Variants in MICU3 observed in about 807,000 individuals in gnomAD.
MICU3 encodes mitochondrial calcium uptake 3.
A neutral mutation model predicts 66.5 loss-of-function variants in MICU3; 62 were observed. The observed-to-expected ratio is 0.93, with a 90% confidence interval of 0.76 to 1.15. MICU3 has a LOEUF of 1.15. Ranked by LOEUF, MICU3 falls within the 50% of genes most tolerant of loss-of-function variation. MICU3 has a pLI of 0.00. For synonymous variants in MICU3, 308 were observed against 240.7 expected (o/e 1.28, Z -2.59); for missense variants, 779 against 664.4 (o/e 1.17, Z -1.90).
At chr8:17,117,820 A>C (rs974318288) in intron 13 of MICU3, among the ~76,000 whole-genome samples, 1 of 152,102 alleles carries the variant, frequency 6.6e-6, no homozygotes, top group African/African-American at 2.4e-5. Context: ...ATGTTGGCCA[A>C]GATGGTCTCA....
chr8:17,047,633 A>T (rs947821085), intron 1 of MICU3, among the ~76,000 whole-genome samples: 2 of 152,260 alleles, frequency 1.3e-5, no homozygotes, highest in Non-Finnish European at 2.9e-5. Context: ...AGACGAATCC[A>T]TCGCAACAGA....
Position 17,122,105 on chromosome 8 carries a change from AG to A in MICU3, c.*1820del, listed in dbSNP as rs1803237092. On this transcript the variant is annotated 3_prime_UTR_variant, in exon 15 of 15. Transcript: ENST00000318063. ...CCTTTATAATTCTGTCATTTTCCCA[AG>A]GAAGAATAGCATTGTACATATGCAA... 1 of 151,860 alleles carries A rather than the reference AG, an allele frequency of 6.6e-6. No homozygotes were observed. Among genetic ancestry groups the A allele is most frequent in the Admixed American group, 6.6e-5 (1 of 15,248 alleles). The allele number at this position is 151,860 out of a possible 1,614,324, so 9.4% of individuals were successfully genotyped here.
chr8:17,053,173 G>A (rs545089099), intron 1 of MICU3, among the ~76,000 whole-genome samples: 51 of 151,990 alleles, frequency 3.4e-4, no homozygotes, highest in African/African-American at 1.2e-3. Flanking sequence ...TCTGTTTCAC[G>A]GTTGCTAAAA....
the MICU3 span, among the ~76,000 whole-genome samples, chr8:17,128,638 A>G: frequency 5.9e-5 from 9 of 152,328 alleles, no homozygotes; most frequent in East Asian, 1.4e-3. Flanking sequence ...ACATTGCACA[A>G]CAAATAATTC....
chr8:17,085,569 T>G (rs919947114), intron 6 of MICU3, among the ~76,000 whole-genome samples: 1 of 152,120 alleles, frequency 6.6e-6, no homozygotes, highest in Non-Finnish European at 1.5e-5. Context: ...ATGTATCAGG[T>G]GTTTTCTGTT....
intron 1 of MICU3, among the ~76,000 whole-genome samples, chr8:17,028,415 T>C (rs957263069): frequency 1.3e-5 from 2 of 152,178 alleles, no homozygotes; most frequent in Non-Finnish European, 2.9e-5. Flanking sequence ...AAGGTAAAGA[T>C]GTGTGAAAGG....
chr8:17,027,498 C>A lies in MICU3; in HGVS notation c.219C>A (p.Ala73=). The A allele has an allele frequency of 7.8e-7, 1 of 1,281,490 alleles. No individual in the cohort carries two copies. Among genetic ancestry groups the A allele is most frequent in the Non-Finnish European group, 9.8e-7 (1 of 1,018,790 alleles). The allele number at this position is 1,281,490 out of a possible 1,614,324, so 79.4% of individuals were successfully genotyped here. Residue 73 remains alanine (A), a synonymous_variant, in exon 1 of 15, where the codon GCC becomes GCA. Coordinates refer to ENST00000318063, the MANE Select transcript of MICU3 (RefSeq NM_181723.3). ...GGGAGCTGAGCGTGGCGGCGGCGGC[C>A]GGCGGGGGGCTGGTCGGCCTGGTAT... ...RWGELSVAAA[A]GGGLVGLVCY...
intron 1 of MICU3, chr8:17,049,757 G>T (rs1815742055): frequency 8.7e-6 from 4 of 462,408 alleles, no homozygotes; most frequent in African/African-American, 2.1e-5. Context: ...CCTGTTGAAG[G>T]CCCCTATAGA....
At chr8:17,029,548 T>TA (rs1167083761) in intron 1 of MICU3, among the ~76,000 whole-genome samples, 1 of 152,238 alleles carries the variant, frequency 6.6e-6, no homozygotes, top group Non-Finnish European at 1.5e-5. Context: ...TTAGTGTTTA[T>TA]AAAAATTTCT....
At chr8:17,049,688 T>G in intron 1 of MICU3, 1 of 508,880 alleles carries the variant, frequency 2.0e-6, no homozygotes, top group Non-Finnish European at 3.9e-6. Context: ...GAAAAAACAC[T>G]GGGTTGTGTG....
At chr8:17,066,802 C>T (rs1818791132) in intron 2 of MICU3, among the ~76,000 whole-genome samples, 1 of 151,992 alleles carries the variant, frequency 6.6e-6, no homozygotes, top group African/African-American at 2.4e-5. Flanking sequence ...CTGCCTCAGC[C>T]TCCCAAAGTG....
chr8:17,104,263 T>A, intron 9 of MICU3, 128 bp from the exon 10 acceptor site: 1 of 416,152 alleles, frequency 2.4e-6, no homozygotes, highest in Non-Finnish European at 4.3e-6. Flanking sequence ...GTGTTTTTCA[T>A]TCTAATATTA....
intron 8 of MICU3, among the ~76,000 whole-genome samples, chr8:17,096,924 A>G (rs1301281139): frequency 6.6e-6 from 1 of 150,614 alleles, no homozygotes; most frequent in African/African-American, 2.4e-5. Flanking sequence ...TGGTTAAACT[A>G]ATTTTAGTTC....
At chr8:17,118,063 C>T (rs1802851569) in intron 13 of MICU3, among the ~76,000 whole-genome samples, 1 of 152,158 alleles carries the variant, frequency 6.6e-6, no homozygotes, top group Non-Finnish European at 1.5e-5. Flanking sequence ...TAGTTGTTAA[C>T]ATTTTAGGTG....
intron 1 of MICU3, among the ~76,000 whole-genome samples, chr8:17,044,159 G>T (rs930161988): frequency 6.6e-6 from 1 of 152,196 alleles, no homozygotes; most frequent in Admixed American, 6.5e-5. Context: ...GGTTAAAGCC[G>T]TAGATTGGGT....
chr8:17,074,349 C>A (rs1204527344), intron 3 of MICU3, among the ~76,000 whole-genome samples: 1 of 151,920 alleles, frequency 6.6e-6, no homozygotes, highest in Non-Finnish European at 1.5e-5. Flanking sequence ...TCTTTTGGGT[C>A]CATAATATTT....
At chr8:17,088,820 G>A (rs762136551) in intron 7 of MICU3, among the ~76,000 whole-genome samples, 1 of 151,902 alleles carries the variant, frequency 6.6e-6, no homozygotes, top group African/African-American at 2.4e-5. Context: ...ATTTGGCTCT[G>A]AGCGTCACTG....
intron 5 of MICU3, chr8:17,082,100 CTTAACTA>C: frequency 5.8e-6 from 1 of 173,760 alleles, no homozygotes; most frequent in African/African-American, 2.4e-5. Context: ...GAGAGTGTCT[CTTAACTA>C]TTGAGTCTAT....
the MICU3 span, among the ~76,000 whole-genome samples, chr8:17,137,016 G>A: frequency 2.6e-5 from 4 of 151,862 alleles, no homozygotes; most frequent in Non-Finnish European, 5.9e-5. Context: ...TGTATTTTTA[G>A]TAGAAACGGG....
Sources: gnomAD v4.1 joint callset for allele counts (sites outside exome capture counted in the v4.1 genomes callset) on GRCh38, gnomAD v4.1.1 for gene constraint, MANE v1.5 for transcripts, NCBI Gene and HGNC (gene_info 2026-07-23, HGNC 2026-07-21) for gene names.